GPR39: variants seen among roughly 807,000 people sequenced by gnomAD.
GPR39 encodes the protein zinc sensing receptor.
Under a neutral mutation model 18.4 loss-of-function variants are expected in GPR39, and 23 were observed. That is an observed-to-expected ratio of 1.25 (90% CI 0.90 to 1.77). The LOEUF (loss-of-function observed/expected upper bound fraction) is 1.77. Among genes scored for constraint, GPR39 ranks in the 40% most tolerant of loss-of-function variants. The probability of loss-of-function intolerance (pLI) is 0.00; values close to 1 mark genes in which losing one functional copy is unlikely to be tolerated. For synonymous variants in GPR39, 280 were observed against 257.9 expected (o/e 1.09, Z -0.82); for missense variants, 647 against 602.4 (o/e 1.07, Z -0.78).
At chr2:132,501,793 T>C (rs1280782415) in intron 1 of GPR39, among the ~76,000 whole-genome samples, 1 of 152,176 alleles carries the variant, frequency 6.6e-6, no homozygotes, top group African/African-American at 2.4e-5. Flanking sequence ...ATTGTGATAT[T>C]TTCCTGTTGG....
chr2:132,445,091 A>G (rs890764863), intron 1 of GPR39, among the ~76,000 whole-genome samples: 5 of 152,182 alleles, frequency 3.3e-5, no homozygotes, highest in African/African-American at 9.7e-5. Flanking sequence ...TTATAGAATA[A>G]TCATTTAAAA....
At chr2:132,619,498 A>C (rs928150560) in intron 1 of GPR39, among the ~76,000 whole-genome samples, 1 of 152,180 alleles carries the variant, frequency 6.6e-6, no homozygotes, top group Non-Finnish European at 1.5e-5. Context: ...CGGCCAAGAA[A>C]CCAAGTAGAG....
At chr2:132,485,423 C>T (rs934486047) in intron 1 of GPR39, among the ~76,000 whole-genome samples, 1 of 152,206 alleles carries the variant, frequency 6.6e-6, no homozygotes, top group Non-Finnish European at 1.5e-5. Context: ...ACTGACTCTT[C>T]TTCAACAAAA....
At chr2:132,584,388 A>T (rs1463177789) in intron 1 of GPR39, among the ~76,000 whole-genome samples, 1 of 152,198 alleles carries the variant, frequency 6.6e-6, no homozygotes, top group Non-Finnish European at 1.5e-5. Context: ...ATGCTTGAAG[A>T]TTACCTGAGT....
chr2:132,480,361 A>G (rs1681210889), intron 1 of GPR39, among the ~76,000 whole-genome samples: 1 of 152,174 alleles, frequency 6.6e-6, no homozygotes, highest in Non-Finnish European at 1.5e-5. Context: ...TGTACATAAC[A>G]CTACTGAATT....
At chr2:132,566,745 C>T (rs979897145) in intron 1 of GPR39, among the ~76,000 whole-genome samples, 1 of 152,188 alleles carries the variant, frequency 6.6e-6, no homozygotes, top group East Asian at 1.9e-4. Flanking sequence ...GTAAGTGCTC[C>T]GGCTTCACGC....
At chr2:132,635,989 CTG>C (rs1681748702) in intron 1 of GPR39, among the ~76,000 whole-genome samples, 1 of 152,200 alleles carries the variant, frequency 6.6e-6, no homozygotes, top group Admixed American at 6.5e-5. Context: ...TTCCCAGCCT[CTG>C]GAACTAGGAG....
chr2:132,420,328 C>T (rs185803627), intron 1 of GPR39, among the ~76,000 whole-genome samples: 33 of 152,276 alleles, frequency 2.2e-4, no homozygotes, highest in African/African-American at 7.2e-4. Flanking sequence ...AAAATAGGAA[C>T]CTCACTAATT....
chr2:132,418,000 A>AAGAC, intron 1 of GPR39, 102 bp downstream of exon 1: 5 of 1,401,718 alleles, frequency 3.6e-6, no homozygotes, highest in Non-Finnish European at 4.8e-6. Flanking sequence ...TTGCCCTAGA[A>AAGAC]TTGCACACTT....
At chr2:132,426,883 A>G (rs749853706) in intron 1 of GPR39, among the ~76,000 whole-genome samples, 2 of 151,998 alleles carry the variant, frequency 1.3e-5, no homozygotes, top group East Asian at 1.9e-4. Context: ...CTAACTGTCC[A>G]TGAAACTAAC....
At position 132,645,447 on chromosome 2, in the gene GPR39, T is replaced by C. The variant is rs374977634; in HGVS notation, c.1203T>C (p.Ser401=). 7.4e-6 allele frequency: 12 copies of C among 1,613,710 alleles called. No homozygotes were observed. In the African/African-American group the frequency reaches 1.2e-4, roughly 16 times the overall value. ...PLLFASRRQS[S]ARRTEKIFLS... ...TCTTCGCGTCCCGGCGCCAGTCCTC[T>C]GCAAGGAGAACTGAGAAGATTTTCT... Residue 401 remains serine, a synonymous_variant, in exon 2 of 2, where the codon TCT becomes TCC. Coordinates refer to ENST00000329321, the MANE Select transcript of GPR39 (RefSeq NM_001508.3).
intron 1 of GPR39, among the ~76,000 whole-genome samples, chr2:132,591,772 A>G (rs928850905): frequency 6.6e-6 from 1 of 152,190 alleles, no homozygotes; most frequent in South Asian, 2.1e-4. Context: ...AGGAAAGGAC[A>G]TGTTGGTAGT....
intron 1 of GPR39, among the ~76,000 whole-genome samples, chr2:132,513,279 C>G (rs1202944332): frequency 6.9e-6 from 1 of 144,216 alleles, no homozygotes; most frequent in Admixed American, 7.3e-5. Flanking sequence ...GCAGAATCAA[C>G]AGTCTGCACC....
At chr2:132,443,093 A>G (rs1680469799) in intron 1 of GPR39, among the ~76,000 whole-genome samples, 1 of 152,206 alleles carries the variant, frequency 6.6e-6, no homozygotes, top group Non-Finnish European at 1.5e-5. Context: ...TTAAAATTTA[A>G]TGTAATTTGA....
At chr2:132,493,457 A>G (rs1681558821) in intron 1 of GPR39, among the ~76,000 whole-genome samples, 1 of 144,322 alleles carries the variant, frequency 6.9e-6, no homozygotes, top group Non-Finnish European at 1.5e-5. Flanking sequence ...TATACACACC[A>G]TATATATATA....
At chr2:132,466,650 G>A (rs13413701) in intron 1 of GPR39, among the ~76,000 whole-genome samples, 2,205 of 152,292 alleles carry the variant, frequency 0.014, 43 homozygotes, top group African/African-American at 0.05. Flanking sequence ...TAAACACATA[G>A]GCAGAGTGAG....
chr2:132,528,991 A>G (rs1242425882), intron 1 of GPR39, among the ~76,000 whole-genome samples: 3 of 152,306 alleles, frequency 2.0e-5, no homozygotes, highest in East Asian at 3.9e-4. Flanking sequence ...TACCAGGTTC[A>G]TCTCACTGGG....
chr2:132,549,066 C>T (rs1444314969), intron 1 of GPR39, among the ~76,000 whole-genome samples: 1 of 152,176 alleles, frequency 6.6e-6, no homozygotes, highest in Non-Finnish European at 1.5e-5. Flanking sequence ...CTAATATCCT[C>T]TCTTCTCTCC....
At chr2:132,479,201 G>A (rs777324134) in intron 1 of GPR39, among the ~76,000 whole-genome samples, 1 of 152,132 alleles carries the variant, frequency 6.6e-6, no homozygotes, top group African/African-American at 2.4e-5. Flanking sequence ...GAGGATAGAC[G>A]ATTGAACAGG....
Sources: gnomAD v4.1 joint callset for allele counts (sites outside exome capture counted in the v4.1 genomes callset) on GRCh38, gnomAD v4.1.1 for gene constraint, MANE v1.5 for transcripts, NCBI Gene and HGNC (gene_info 2026-07-23, HGNC 2026-07-21) for gene names.